Variants in SGCD observed in about 807,000 individuals in gnomAD.
SGCD encodes delta-sarcoglycan.
SGCD carries 18 observed loss-of-function variants against 36.6 expected under a neutral mutation model. That is an observed-to-expected ratio of 0.49 (90% CI 0.34 to 0.73). SGCD has a LOEUF of 0.73. Among genes scored for constraint, SGCD ranks in the 30% least tolerant of loss-of-function variants. The pLI is 0.01. For missense variants in SGCD, 387 were observed against 346.7 expected (o/e 1.12, Z -0.92); for synonymous variants, 133 against 130.6 (o/e 1.02, Z -0.12).
chr5:156,094,895 G>A (rs980176394), intron 1 of SGCD, among the ~76,000 whole-genome samples: 1 of 152,128 alleles, frequency 6.6e-6, no homozygotes, highest in African/African-American at 2.4e-5. Context: ...CAGCTACTCA[G>A]GAGGCTGAGG....
intron 1 of SGCD, among the ~76,000 whole-genome samples, chr5:155,927,060 A>C (rs1383990649): frequency 6.6e-6 from 1 of 152,204 alleles, no homozygotes; most frequent in African/African-American, 2.4e-5. Context: ...TCCAGTCCAC[A>C]ATGAAAATAT....
In SGCD at chr5:156,582,369, G is replaced by T. The variant is rs182261054; in HGVS notation, c.295-6862G>T. On this transcript the variant is annotated intron_variant, in intron 4 of 8. Coordinates refer to ENST00000337851, the MANE Select transcript of SGCD (RefSeq NM_000337.6). ...GTACCTTTTGTACTGCTCTTTTATA[G>T]TTCCCAGTACTGTGATGGGTGCATA... Among the ~76,000 whole-genome samples the T allele has an allele frequency of 8.5e-5, 13 of 152,210 alleles. No homozygotes were observed. In the East Asian group the frequency reaches 2.5e-3, roughly 29 times the overall value.
At chr5:156,689,473 G>A (rs17053748) in intron 7 of SGCD, among the ~76,000 whole-genome samples, 1,661 of 152,294 alleles carry the variant, frequency 0.011, 22 homozygotes, top group South Asian at 0.035. Flanking sequence ...ATCATATCCC[G>A]AAATCTTGGA....
At chr5:155,980,952 C>T (rs1758217027) in intron 1 of SGCD, among the ~76,000 whole-genome samples, 1 of 152,158 alleles carries the variant, frequency 6.6e-6, no homozygotes, top group Non-Finnish European at 1.5e-5. Flanking sequence ...CAGTGGTCAA[C>T]TTACAAAATC....
chr5:156,633,204 GTTAT>G (rs577607156), intron 6 of SGCD, among the ~76,000 whole-genome samples: 3 of 152,180 alleles, frequency 2.0e-5, no homozygotes, highest in Non-Finnish European at 2.9e-5. Flanking sequence ...GTAAGTGTTA[GTTAT>G]TATTGTCAAG....
chr5:156,072,728 T>A (rs981846913), intron 1 of SGCD, among the ~76,000 whole-genome samples: 6 of 152,220 alleles, frequency 3.9e-5, no homozygotes, highest in Non-Finnish European at 5.9e-5. Flanking sequence ...CAGAGTGTTT[T>A]CCAACTTGGT....
intron 7 of SGCD, among the ~76,000 whole-genome samples, chr5:156,728,423 A>G (rs1755882988): frequency 7.1e-6 from 1 of 141,320 alleles, no homozygotes; most frequent in Non-Finnish European, 1.5e-5. Flanking sequence ...AGGCAGGAGA[A>G]TTACTTGAAC....
chr5:156,012,427 A>G (rs1367761298), intron 1 of SGCD, among the ~76,000 whole-genome samples: 1 of 152,206 alleles, frequency 6.6e-6, no homozygotes, highest in African/African-American at 2.4e-5. Flanking sequence ...AATAATTTGA[A>G]AGATTCAAAA....
intron 1 of SGCD, among the ~76,000 whole-genome samples, chr5:156,075,628 C>T (rs959968068): frequency 4.6e-5 from 7 of 152,032 alleles, no homozygotes; most frequent in Admixed American, 3.9e-4. Context: ...CAGTGGGGTC[C>T]TGATGGATTT....
intron 1 of SGCD, among the ~76,000 whole-genome samples, chr5:156,012,226 A>C (rs562885919): frequency 6.6e-6 from 1 of 152,360 alleles, no homozygotes; most frequent in African/African-American, 2.4e-5. Flanking sequence ...ATTGCAGATA[A>C]TTACGAAAGA....
At chr5:156,337,444 C>A (rs766253765) in intron 2 of SGCD, among the ~76,000 whole-genome samples, 7 of 152,114 alleles carry the variant, frequency 4.6e-5, no homozygotes, top group African/African-American at 7.2e-5. Flanking sequence ...GGAGGTGCCC[C>A]ACCTCTTTCT....
At chr5:155,930,482 G>A (rs187796890) in intron 1 of SGCD, among the ~76,000 whole-genome samples, 104 of 152,262 alleles carry the variant, frequency 6.8e-4, no homozygotes, top group Non-Finnish European at 1.1e-3. Context: ...ACACACAATA[G>A]GTTCTCTGAT....
intron 4 of SGCD, among the ~76,000 whole-genome samples, chr5:156,531,026 A>G (rs1242533696): frequency 6.6e-6 from 1 of 152,144 alleles, no homozygotes; most frequent in East Asian, 1.9e-4. Context: ...AAACTTAATG[A>G]CCTATGTGAT....
intron 1 of SGCD, among the ~76,000 whole-genome samples, chr5:155,919,310 C>G (rs866980823): frequency 2.0e-5 from 3 of 152,302 alleles, no homozygotes; most frequent in Middle Eastern, 6.8e-3. Context: ...ATCTGTTTTT[C>G]CACTTATTGG....
At chr5:156,313,250 C>T (rs1268276474) in intron 3 of SGCD, among the ~76,000 whole-genome samples, 1 of 151,894 alleles carries the variant, frequency 6.6e-6, no homozygotes, top group Non-Finnish European at 1.5e-5. Context: ...CTGTATCTTT[C>T]ATCTTAAAAG....
intron 7 of SGCD, among the ~76,000 whole-genome samples, chr5:156,691,335 T>C (rs935248738): frequency 6.6e-6 from 1 of 152,010 alleles, no homozygotes; most frequent in Non-Finnish European, 1.5e-5. Context: ...TCCTCAGGCA[T>C]GCTGGCCATA....
At chr5:156,237,013 T>C (rs1765183106) in intron 3 of SGCD, among the ~76,000 whole-genome samples, 1 of 151,652 alleles carries the variant, frequency 6.6e-6, no homozygotes, top group Admixed American at 6.6e-5. Context: ...TTTTGTACTT[T>C]TAATAGAGAT....
At chr5:156,241,422 A>G (rs923208918) in intron 3 of SGCD, among the ~76,000 whole-genome samples, 2 of 152,168 alleles carry the variant, frequency 1.3e-5, no homozygotes, top group Non-Finnish European at 2.9e-5. Context: ...TTAGATCACA[A>G]ATTTCTCTCC....
chr5:156,081,491 T>C (rs1760951375), intron 1 of SGCD, among the ~76,000 whole-genome samples: 1 of 152,184 alleles, frequency 6.6e-6, no homozygotes, highest in Admixed American at 6.5e-5. Context: ...CTCCCTGGAA[T>C]AAGCAATTCC....
Sources: allele counts gnomAD v4.1 joint callset (sites outside exome capture counted in the v4.1 genomes callset), GRCh38; gene constraint gnomAD v4.1.1; transcripts MANE v1.5; gene names NCBI Gene and HGNC (gene_info 2026-07-23, HGNC 2026-07-21).